ZNF532: variants seen among roughly 807,000 people sequenced by gnomAD.
ZNF532 encodes the protein zinc finger protein 532.
Under a neutral mutation model 89.3 loss-of-function variants are expected in ZNF532, and 22 were observed. The observed-to-expected ratio is 0.25, with a 90% CI of 0.18 to 0.35. The LOEUF (loss-of-function observed/expected upper bound fraction) is 0.35. ZNF532 is among the 10% of genes least tolerant of loss of function. The pLI is 1.00. For synonymous variants in ZNF532, 606 were observed against 649.6 expected, an observed-to-expected ratio of 0.93 and a Z score of 1.02; for missense variants, 1,132 against 1,643.4, an observed-to-expected ratio of 0.69 and a Z score of 5.38.
intron 5 of ZNF532, among the ~76,000 whole-genome samples, chr18:58,945,666 G>A (rs924353023): frequency 2.6e-5 from 4 of 152,244 alleles, no homozygotes; most frequent in East Asian, 1.9e-4. Flanking sequence ...TGAGTTCTCA[G>A]CAATTTCTTA....
chr18:58,871,822 T>G (rs1044634039), intron 2 of ZNF532, among the ~76,000 whole-genome samples: 6 of 152,230 alleles, frequency 3.9e-5, no homozygotes, highest in Non-Finnish European at 7.3e-5. Context: ...AAATAGCATG[T>G]TGAAAAGACT....
At chr18:58,890,423 ATTC>A (rs1442860524) in intron 2 of ZNF532, among the ~76,000 whole-genome samples, 1 of 151,670 alleles carries the variant, frequency 6.6e-6, no homozygotes, top group Non-Finnish European at 1.5e-5. Flanking sequence ...TTTGATCCTT[ATTC>A]TTTTTTTGAT....
chr18:58,888,889 T>TA lies in ZNF532; in HGVS notation c.-18+23310_-18+23311insA, dbSNP rs1555709716. Among the ~76,000 whole-genome samples the TA allele has an allele frequency of 9.4e-4, 37 of 39,438 alleles. 2 individuals are homozygous for TA. The highest frequency in any genetic ancestry group is 1.1e-3 in the Non-Finnish European group (27 of 24,616). 25.9% of individuals were successfully genotyped at this position (39,438 alleles called of 152,430 possible). Reference sequence around the variant, plus strand: ...ATATAATATATATTATATATATATATTTTATATATATATATATATATATAA... The same window carrying TA: ...ATATAATATATATTATATATATATATATTTATATATATATATATATATATAA... On this transcript the variant is annotated intron_variant, in intron 2 of 9. Transcript: ENST00000591808.
chr18:58,906,858 G>C (rs1032025327), intron 2 of ZNF532, among the ~76,000 whole-genome samples: 1 of 152,202 alleles, frequency 6.6e-6, no homozygotes, highest in Admixed American at 6.5e-5. Context: ...TGGATTGATA[G>C]TGTTTTTGGA....
At chr18:58,907,091 A>G (rs1007838261) in intron 2 of ZNF532, among the ~76,000 whole-genome samples, 9 of 152,164 alleles carry the variant, frequency 5.9e-5, no homozygotes, top group Non-Finnish European at 1.2e-4. Flanking sequence ...CCACCTATCT[A>G]CAGAGGAGAC....
chr18:58,953,686 A>C lies in ZNF532; in HGVS notation c.3037A>C (p.Lys1013Gln). The change falls in exon 7 of 10, where the codon AAA becomes CAA. Residue 1013 changes from lysine (K) to glutamine (Q), a missense_variant. This residue lies in a region of ZNF532 where 415 missense variants were observed against 604.8 expected (regional missense o/e 0.69). Coordinates refer to ENST00000591808, the MANE Select transcript of ZNF532 (RefSeq NM_001375912.1). Reference sequence around the variant, plus strand: ...AAAGAAATCTCCATCTCCTGTGAAAAAATCAATGGAAACCAAGAAAGTGGC... The same window carrying C: ...AAAGAAATCTCCATCTCCTGTGAAACAATCAATGGAAACCAAGAAAGTGGC... ...LEKKSPSPVK[K>Q]SMETKKVASP... is the part of the protein sequence containing the mutation. 6.2e-7 allele frequency: 1 copy of C among 1,614,046 alleles called. No homozygotes were observed. The highest frequency in any genetic ancestry group is 8.5e-7 in the Non-Finnish European group (1 of 1,179,902).
intron 2 of ZNF532, among the ~76,000 whole-genome samples, chr18:58,887,684 AG>A (rs930687380): frequency 6.6e-6 from 1 of 152,126 alleles, no homozygotes; most frequent in African/African-American, 2.4e-5. Context: ...AAACCAAAAC[AG>A]AACCCCCACG....
intron 7 of ZNF532, among the ~76,000 whole-genome samples, chr18:58,967,881 A>G (rs916678653): frequency 1.3e-5 from 2 of 152,236 alleles, no homozygotes; most frequent in African/African-American, 2.4e-5. Flanking sequence ...GGAGTGGTTC[A>G]GTGCAGGCTC....
intron 5 of ZNF532, among the ~76,000 whole-genome samples, chr18:58,944,847 C>T (rs745538191): frequency 1.1e-4 from 16 of 152,158 alleles, no homozygotes; most frequent in Non-Finnish European, 1.6e-4. Flanking sequence ...CCAGATTCCT[C>T]GGTTGTTAGC....
chr18:58,892,581 A>G (rs1183746201), intron 2 of ZNF532, among the ~76,000 whole-genome samples: 1 of 152,222 alleles, frequency 6.6e-6, no homozygotes, highest in Non-Finnish European at 1.5e-5. Flanking sequence ...GGCAAAGAGC[A>G]CGTAATACCC....
chr18:58,870,924 A>G (rs895692452), intron 2 of ZNF532, among the ~76,000 whole-genome samples: 3 of 152,122 alleles, frequency 2.0e-5, no homozygotes, highest in African/African-American at 4.8e-5. Flanking sequence ...TTGGGCTCCA[A>G]TTGCCTCTGG....
In ZNF532 at chr18:58,919,061, A is replaced by G; in HGVS notation, c.774A>G (p.Pro258=). The G allele has an allele frequency of 6.2e-7, 1 of 1,614,104 alleles. No individual in the cohort carries two copies. Among genetic ancestry groups the G allele is most frequent in the South Asian group, 1.1e-5 (1 of 91,070 alleles). The change falls in exon 3 of 10, where the codon CCA becomes CCG. Residue 258 remains proline (P), a synonymous_variant. Coordinates refer to ENST00000591808, the MANE Select transcript of ZNF532 (RefSeq NM_001375912.1). The surrounding 1 kb of genome is among the most constrained non-coding windows in gnomAD (Gnocchi z 6.1). ...KNDTSLPSVA[P]SKTKSSSKLS... ...ACACCAGCCTCCCCAGCGTTGCGCC[A>G]TCAAAGACAAAGTCGTCCTCCAAGC...
At position 58,919,477 on chromosome 18, in the gene ZNF532, C is replaced by T. The variant is rs367934703; in HGVS notation, c.1190C>T (p.Ala397Val). ...GGAAAGAAACCTTCCGAGCAGACAGCGTCCGTGATGGCCTCTGTGACATCC... is the reference window on the plus strand; with the variant it reads ...GGAAAGAAACCTTCCGAGCAGACAGTGTCCGTGATGGCCTCTGTGACATCC... ...DSGKKPSEQT[A>V]SVMASVTSLL... Residue 397 changes from alanine to valine, a missense_variant, in exon 3 of 10, where the codon GCG (alanine) becomes GTG (valine). This residue lies in a region of ZNF532 where 124 missense variants were observed against 191.6 expected (regional missense o/e 0.65). Transcript: ENST00000591808. This position sits in a 1 kb window ranked among gnomAD's most constrained non-coding sequence, Gnocchi z 6.1. 23 of 1,614,098 alleles carry T rather than the reference C, an allele frequency of 1.4e-5. No homozygotes were observed. The highest frequency in any genetic ancestry group is 1.6e-4 in the Middle Eastern group (1 of 6,084).
At position 58,886,314 on chromosome 18, in the gene ZNF532, C is replaced by T. The variant is rs190212351; in HGVS notation, c.-18+20735C>T. On this transcript the variant is annotated intron_variant, in intron 2 of 9. Transcript: ENST00000591808. ...CAATTTTATGTATCTAGGAATTTTA[C>T]GTGTCTATATGCTTAAATATAAAAA... 3.2e-4 allele frequency among the ~76,000 whole-genome samples: 49 copies of T among 152,154 alleles called. 1 individual carries two copies. In the East Asian group the frequency reaches 8.5e-3, roughly 26 times the overall value.
At chr18:58,891,725 A>T (rs116893764) in intron 2 of ZNF532, among the ~76,000 whole-genome samples, 1,990 of 152,288 alleles carry the variant, frequency 0.013, 30 homozygotes, top group East Asian at 0.041. Context: ...TCTCTTAGAA[A>T]GTTGGTTAAC....
chr18:58,934,923 C>T, intron 4 of ZNF532, among the ~76,000 whole-genome samples: 1 of 152,162 alleles, frequency 6.6e-6, no homozygotes, highest in Non-Finnish European at 1.5e-5. Flanking sequence ...TGTTATCATA[C>T]TCTTTGCATT....
intron 3 of ZNF532, among the ~76,000 whole-genome samples, chr18:58,930,004 A>G (rs1292795218): frequency 2.0e-5 from 3 of 152,232 alleles, no homozygotes; most frequent in African/African-American, 7.2e-5. Context: ...TTAAGCTGGT[A>G]TTGTTTCTGC....
rs530266903 is a variant in ZNF532 at position 58,919,843 on chromosome 18, C to A, written c.1556C>A (p.Pro519Gln). ...AGCCTGGCCAATGCCAAACTCGTGC[C>A]AAAGACTGTGCACCTTGCCAACCTT... ...ASSLANAKLV[P>Q]KTVHLANLNL... Residue 519 changes from proline to glutamine, a missense_variant, in exon 3 of 10, where the codon CCA becomes CAA. Coordinates refer to ENST00000591808, the MANE Select transcript of ZNF532 (RefSeq NM_001375912.1). This position sits in a 1 kb window ranked among gnomAD's most constrained non-coding sequence, Gnocchi z 6.1. 2 of 1,614,034 alleles carry A rather than the reference C, an allele frequency of 1.2e-6. No individual in the cohort carries two copies. The highest frequency in any genetic ancestry group is 4.5e-5 in the East Asian group (2 of 44,890).
intron 2 of ZNF532, 82 bp downstream of exon 2, chr18:58,865,661 C>T (rs2056386127): frequency 1.3e-5 from 2 of 152,470 alleles, no homozygotes; most frequent in South Asian, 2.1e-4. Flanking sequence ...GATTGCTACC[C>T]AGGAGATAAA....
Sources: gnomAD v4.1 joint callset for allele counts (sites outside exome capture counted in the v4.1 genomes callset) on GRCh38, gnomAD v4.1.1 for gene constraint, gnomAD v4.1.1 regional missense constraint, Gnocchi (gnomAD v3.1) non-coding constraint, MANE v1.5 for transcripts, NCBI Gene and HGNC (gene_info 2026-07-23, HGNC 2026-07-21) for gene names.